TMEM163: variants seen among roughly 807,000 people sequenced by gnomAD.
TMEM163 encodes transmembrane protein 163.
TMEM163 carries 17 observed loss-of-function variants against 29.3 expected under a neutral mutation model. The observed-to-expected ratio is 0.58, with a 90% CI of 0.40 to 0.87. The LOEUF (loss-of-function observed/expected upper bound fraction) is 0.87, where lower values mean the gene tolerates loss of function less well. Among genes scored for constraint, TMEM163 ranks in the 40% least tolerant of loss-of-function variants. The pLI is 0.00. For synonymous variants in TMEM163, 157 were observed against 160.6 expected, an observed-to-expected ratio of 0.98 and a Z score of 0.17; for missense variants, 303 against 381.5, an observed-to-expected ratio of 0.79 and a Z score of 1.71.
At position 134,718,826 on chromosome 2, in the gene TMEM163, C is replaced by T. The variant is rs946626560; in HGVS notation, c.110G>A (p.Ser37Asn). The change falls in exon 1 of 8, where the codon AGC becomes AAC. Residue 37 changes from serine to asparagine, a missense_variant. Ser to Asn is a conservative substitution (Grantham distance 46). Coordinates refer to ENST00000281924, the MANE Select transcript of TMEM163 (RefSeq NM_030923.5). ...PAAAPGPAPL[S>N]SPVREPPQLE... ...CTGGGGCGGCTCGCGCACCGGGGAGCTCAGCGGGGCCGGGCCGGGGGCGGC... is the reference window on the plus strand; with the variant it reads ...CTGGGGCGGCTCGCGCACCGGGGAGTTCAGCGGGGCCGGGCCGGGGGCGGC... The T allele has an allele frequency of 3.7e-5, 42 of 1,132,188 alleles. No individual in the cohort carries two copies. The African/African-American group carries it at 6.9e-4, about 19-fold the overall frequency. 70.1% of individuals were successfully genotyped at this position (1,132,188 alleles called of 1,614,324 possible). A position where few individuals can be genotyped will look rare whatever the true frequency, so the allele number is the denominator to read the frequency against.
At chr2:134,476,008 G>A (rs1486578095) in intron 5 of TMEM163, among the ~76,000 whole-genome samples, 1 of 152,146 alleles carries the variant, frequency 6.6e-6, no homozygotes, top group African/African-American at 2.4e-5. Flanking sequence ...ACGTCCACAC[G>A]AAGACTTGCA....
intron 2 of TMEM163, among the ~76,000 whole-genome samples, chr2:134,674,998 A>C (rs775767575): frequency 6.6e-6 from 1 of 152,226 alleles, no homozygotes; most frequent in African/African-American, 2.4e-5. Flanking sequence ...TGCTATGGCA[A>C]GTGTACTCCC....
intron 2 of TMEM163, among the ~76,000 whole-genome samples, chr2:134,610,754 A>G (rs1216310898): frequency 6.6e-6 from 1 of 152,178 alleles, no homozygotes; most frequent in Non-Finnish European, 1.5e-5. Context: ...GGATGAGCCC[A>G]GGGATATATA....
chr2:134,657,368 A>C (rs1683644811), intron 2 of TMEM163, among the ~76,000 whole-genome samples: 1 of 152,240 alleles, frequency 6.6e-6, no homozygotes, highest in Admixed American at 6.5e-5. Flanking sequence ...ATAGAAAAGA[A>C]GAAAATCACC....
At chr2:134,605,819 G>C (rs1416652795) in intron 2 of TMEM163, among the ~76,000 whole-genome samples, 1 of 152,148 alleles carries the variant, frequency 6.6e-6, no homozygotes, top group African/African-American at 2.4e-5. Context: ...CACATGGAAA[G>C]GTAAAGATGA....
intron 2 of TMEM163, among the ~76,000 whole-genome samples, chr2:134,675,012 G>A (rs1402188904): frequency 6.6e-6 from 1 of 152,152 alleles, no homozygotes; most frequent in Non-Finnish European, 1.5e-5. Context: ...TACTCCCATG[G>A]CAAAGCTCAT....
chr2:134,513,940 C>T (rs145185715), intron 4 of TMEM163, among the ~76,000 whole-genome samples: 1 of 152,352 alleles, frequency 6.6e-6, no homozygotes, highest in Non-Finnish European at 1.5e-5. Context: ...ACCAACACCC[C>T]TGGGTGTAGC....
chr2:134,518,893 A>G (rs1314339933), intron 4 of TMEM163, among the ~76,000 whole-genome samples: 5 of 152,216 alleles, frequency 3.3e-5, no homozygotes, highest in African/African-American at 1.2e-4. Context: ...CAGCAGAGAC[A>G]GTTATAGTAT....
intron 2 of TMEM163, among the ~76,000 whole-genome samples, chr2:134,567,222 C>A (rs1681316303): frequency 6.6e-6 from 1 of 152,186 alleles, no homozygotes; most frequent in Admixed American, 6.5e-5. Context: ...TTCCACATAG[C>A]CACTGAGAAT....
chr2:134,590,134 T>C (rs934211904), intron 2 of TMEM163, among the ~76,000 whole-genome samples: 12 of 148,434 alleles, frequency 8.1e-5, no homozygotes, highest in Non-Finnish European at 1.5e-4. Flanking sequence ...TTTTTTTTTT[T>C]CTATAAGAGT....
At chr2:134,678,687 G>C (rs946764927) in intron 2 of TMEM163, among the ~76,000 whole-genome samples, 1 of 152,158 alleles carries the variant, frequency 6.6e-6, no homozygotes, top group South Asian at 2.1e-4. Flanking sequence ...CCATTCCCCA[G>C]GTCGACTGGG....
chr2:134,508,862 G>A (rs1558927538), intron 4 of TMEM163, among the ~76,000 whole-genome samples: 1 of 152,010 alleles, frequency 6.6e-6, no homozygotes, highest in Non-Finnish European at 1.5e-5. Flanking sequence ...CTTGGACCAG[G>A]GACAGTCACT....
chr2:134,646,227 G>A (rs1223222958), intron 2 of TMEM163, among the ~76,000 whole-genome samples: 1 of 151,800 alleles, frequency 6.6e-6, no homozygotes, highest in African/African-American at 2.4e-5. Flanking sequence ...TGGGATTACA[G>A]GTGCCCGCCA....
chr2:134,706,438 C>G (rs1312889861), intron 2 of TMEM163, among the ~76,000 whole-genome samples: 13 of 152,100 alleles, frequency 8.5e-5, no homozygotes, highest in Admixed American at 8.5e-4. Context: ...GAAGACGGGT[C>G]CTGGTGTGGA....
chr2:134,687,070 A>G (rs945202738), intron 2 of TMEM163, among the ~76,000 whole-genome samples: 6 of 152,212 alleles, frequency 3.9e-5, no homozygotes, highest in Non-Finnish European at 8.8e-5. Context: ...GGAAGACACT[A>G]TATCATCCAA....
In TMEM163 at chr2:134,502,818, C is replaced by G. The variant is rs1574184306; in HGVS notation, c.555+83G>C. ...CTGTTCCCTCTCAACATGCCCGACT[C>G]CACCCGGGAACCCTGCGATAAGAGG... On this transcript the variant is annotated intron_variant, in intron 5 of 7. Coordinates refer to ENST00000281924, the MANE Select transcript of TMEM163 (RefSeq NM_030923.5). The G allele has an allele frequency of 7.4e-6, 9 of 1,217,482 alleles. No individual in the cohort carries two copies. In the East Asian group the frequency reaches 2.2e-4, roughly 30 times the overall value. The allele number at this position is 1,217,482 out of a possible 1,614,324, so 75.4% of individuals were successfully genotyped here. A position where few individuals can be genotyped will look rare whatever the true frequency, so the allele number is the denominator to read the frequency against.
At chr2:134,677,590 C>G (rs1303732342) in intron 2 of TMEM163, among the ~76,000 whole-genome samples, 1 of 152,072 alleles carries the variant, frequency 6.6e-6, no homozygotes, top group Non-Finnish European at 1.5e-5. Flanking sequence ...AATAAAGTCA[C>G]CCAAGACCAG....
intron 2 of TMEM163, among the ~76,000 whole-genome samples, chr2:134,691,902 G>A (rs574841941): frequency 5.9e-5 from 9 of 152,248 alleles, no homozygotes; most frequent in South Asian, 2.1e-4. Flanking sequence ...ACCTGTGCAC[G>A]TTACCTTAAT....
intron 2 of TMEM163, among the ~76,000 whole-genome samples, chr2:134,655,999 T>A (rs1378482777): frequency 6.9e-6 from 1 of 145,590 alleles, no homozygotes; most frequent in Admixed American, 6.7e-5. Context: ...TGCTGTCTTT[T>A]CCTTTGTCTG....
Sources: gnomAD v4.1 joint callset for allele counts (sites outside exome capture counted in the v4.1 genomes callset) on GRCh38, gnomAD v4.1.1 for gene constraint, MANE v1.5 for transcripts, NCBI Gene and HGNC (gene_info 2026-07-23, HGNC 2026-07-21) for gene names.